The following RANBP2 variants were observed in gnomAD, a reference collection of about 807,000 sequenced individuals.
RANBP2 encodes E3 SUMO-protein ligase RanBP2.
A neutral mutation model predicts 303.6 loss-of-function variants in RANBP2; 57 were observed. The ratio of observed to expected loss-of-function variants is 0.19; its 90% CI spans 0.15 to 0.23. The LOEUF (loss-of-function observed/expected upper bound fraction) is 0.23, where lower values mean the gene tolerates loss of function less well. Ranked by LOEUF, RANBP2 falls within the 10% of genes least tolerant of loss-of-function variation. The pLI is 1.00. For synonymous variants in RANBP2, 1,167 were observed against 1,301.5 expected (o/e 0.90, Z 2.23); for missense variants, 3,138 against 3,780.8 (o/e 0.83, Z 4.46).
chr2:109,427,785 C>G, the RANBP2 span, among the ~76,000 whole-genome samples: 1 of 152,344 alleles, frequency 6.6e-6, no homozygotes, highest in Admixed American at 6.5e-5. Flanking sequence ...TCAGAAGGCC[C>G]CAGGGAGAAC....
chr2:109,013,507 T>C, the RANBP2 span, among the ~76,000 whole-genome samples: 9 of 152,156 alleles, frequency 5.9e-5, no homozygotes, highest in African/African-American at 1.9e-4. Context: ...AGAGGGTGTG[T>C]GCTCCGGTGA....
the RANBP2 span, among the ~76,000 whole-genome samples, chr2:109,080,635 T>C: frequency 6.6e-6 from 1 of 152,158 alleles, no homozygotes; most frequent in Non-Finnish European, 1.5e-5. Flanking sequence ...GTGACCAACC[T>C]TTCAAGAACT....
chr2:109,426,991 A>G, the RANBP2 span, among the ~76,000 whole-genome samples: 2 of 151,526 alleles, frequency 1.3e-5, no homozygotes, highest in Non-Finnish European at 2.9e-5. Context: ...TTTTTTTGAG[A>G]CGAGTCTCGC....
chr2:109,385,813 CA>C, the RANBP2 span, among the ~76,000 whole-genome samples: 1 of 151,774 alleles, frequency 6.6e-6, no homozygotes, highest in Non-Finnish European at 1.5e-5. Flanking sequence ...GCACCAGAAA[CA>C]AAAAAAATAA....
chr2:109,485,346 G>GTATC, the RANBP2 span, among the ~76,000 whole-genome samples: 2 of 152,220 alleles, frequency 1.3e-5, no homozygotes, highest in Non-Finnish European at 2.9e-5. Flanking sequence ...GAAATGACTT[G>GTATC]TATCTCTGTT....
chr2:109,123,729 G>A, the RANBP2 span, among the ~76,000 whole-genome samples: 2 of 152,204 alleles, frequency 1.3e-5, no homozygotes, highest in South Asian at 2.1e-4. Context: ...GCTGGGTGGT[G>A]GAAGAATGAG....
chr2:109,700,246 AT>A, the RANBP2 span, among the ~76,000 whole-genome samples: 1 of 152,228 alleles, frequency 6.6e-6, no homozygotes, highest in Non-Finnish European at 1.5e-5. Flanking sequence ...GACCCAGAAA[AT>A]CTGAGACAGG....
At chr2:108,734,691 T>A (rs1695429833) in intron 4 of RANBP2, among the ~76,000 whole-genome samples, 1 of 151,586 alleles carries the variant, frequency 6.6e-6, no homozygotes, top group African/African-American at 2.4e-5. Flanking sequence ...AAAGTAAGGG[T>A]ATGTAGGCCC....
chr2:109,545,523 C>A, the RANBP2 span: 115 of 1,535,988 alleles, frequency 7.5e-5, 1 homozygote, highest in African/African-American at 7.0e-4. Context: ...CACAGGAGTT[C>A]GAATCGACAG....
chr2:109,563,038 G>A, the RANBP2 span, among the ~76,000 whole-genome samples: 1 of 152,006 alleles, frequency 6.6e-6, no homozygotes, highest in Non-Finnish European at 1.5e-5. Context: ...AGCCTCCTGA[G>A]TAGCTGGTTT....
the RANBP2 span, among the ~76,000 whole-genome samples, chr2:109,027,738 C>A: frequency 2.1e-5 from 3 of 139,638 alleles, no homozygotes; most frequent in Non-Finnish European, 3.1e-5. Flanking sequence ...TTGATGAGGG[C>A]CTGGGCTCCA....
the RANBP2 span, among the ~76,000 whole-genome samples, chr2:109,066,914 G>A: frequency 6.6e-6 from 1 of 152,140 alleles, no homozygotes; most frequent in Non-Finnish European, 1.5e-5. Flanking sequence ...TGTCCAGGGT[G>A]CTCTGACAAC....
At chr2:108,750,734 C>T (rs769382179) in intron 9 of RANBP2, among the ~76,000 whole-genome samples, 5 of 151,928 alleles carry the variant, frequency 3.3e-5, no homozygotes, top group Non-Finnish European at 5.9e-5. Flanking sequence ...ACTATAGGCA[C>T]GTGACACCAT....
chr2:109,373,547 G>A, the RANBP2 span, among the ~76,000 whole-genome samples: 16 of 152,274 alleles, frequency 1.1e-4, no homozygotes, highest in Admixed American at 9.8e-4. Flanking sequence ...AAAGAAGCCA[G>A]ACATAAAAGT....
At chr2:109,438,580 G>T in the RANBP2 span, among the ~76,000 whole-genome samples, 1 of 152,182 alleles carries the variant, frequency 6.6e-6, no homozygotes, top group Non-Finnish European at 1.5e-5. Flanking sequence ...AGCTAAGAAT[G>T]ATTCTTGGTT....
the RANBP2 span, among the ~76,000 whole-genome samples, chr2:109,583,331 C>T: frequency 6.6e-6 from 1 of 152,108 alleles, no homozygotes; most frequent in Middle Eastern, 3.4e-3. Flanking sequence ...AAAAACAACC[C>T]CATTAAAAAG....
At chr2:109,446,246 G>A in the RANBP2 span, among the ~76,000 whole-genome samples, 3 of 152,158 alleles carry the variant, frequency 2.0e-5, no homozygotes, top group Non-Finnish European at 4.4e-5. Flanking sequence ...TCCATTCTGT[G>A]AAATCGGAAG....
the RANBP2 span, among the ~76,000 whole-genome samples, chr2:109,103,884 C>T: frequency 6.6e-6 from 1 of 151,638 alleles, no homozygotes; most frequent in Non-Finnish European, 1.5e-5. Context: ...AGCTCTGCCT[C>T]CTGAGTTCAC....
chr2:109,186,050 T>A, the RANBP2 span, among the ~76,000 whole-genome samples: 1 of 152,246 alleles, frequency 6.6e-6, no homozygotes, highest in Non-Finnish European at 1.5e-5. Flanking sequence ...TGTTTTGTAT[T>A]TAACCCAGTG....
Sources: allele counts gnomAD v4.1 joint callset (sites outside exome capture counted in the v4.1 genomes callset), GRCh38; gene constraint gnomAD v4.1.1; transcripts MANE v1.5; gene names NCBI Gene and HGNC (gene_info 2026-07-23, HGNC 2026-07-21).